The following SV2C variants were observed in gnomAD, a reference collection of about 807,000 sequenced individuals.
SV2C encodes synaptic vesicle glycoprotein 2C, also known as solute carrier family 22 member B3.
A neutral mutation model predicts 79.7 loss-of-function variants in SV2C; 49 were observed. That is an observed-to-expected ratio of 0.61 (90% CI 0.49 to 0.78). The LOEUF (loss-of-function observed/expected upper bound fraction) is 0.78. Ranked by LOEUF, SV2C falls within the 30% of genes least tolerant of loss-of-function variation. SV2C has a pLI of 0.00. For synonymous variants in SV2C, 334 were observed against 333.2 expected (o/e 1.00, Z -0.03); for missense variants, 833 against 912.9 (o/e 0.91, Z 1.13).
At chr5:76,245,081 T>A (rs1258354531) in intron 4 of SV2C, among the ~76,000 whole-genome samples, 1 of 152,210 alleles carries the variant, frequency 6.6e-6, no homozygotes, top group Non-Finnish European at 1.5e-5. Flanking sequence ...TCCCCTCAAG[T>A]GTAAGATCCC....
intron 4 of SV2C, among the ~76,000 whole-genome samples, chr5:76,214,919 T>C (rs1580359093): frequency 6.6e-6 from 1 of 152,240 alleles, no homozygotes; most frequent in Non-Finnish European, 1.5e-5. Flanking sequence ...TTTGGTGACA[T>C]CTTTAGAATT....
At chr5:76,193,155 A>T (rs145501914) in intron 2 of SV2C, among the ~76,000 whole-genome samples, 1,862 of 152,312 alleles carry the variant, frequency 0.012, 26 homozygotes, top group Non-Finnish European at 0.016. Context: ...AATTTGGATG[A>T]CTTGGAGCAC....
the SV2C span, among the ~76,000 whole-genome samples, chr5:76,015,848 T>G: frequency 6.6e-6 from 1 of 152,144 alleles, no homozygotes; most frequent in South Asian, 2.1e-4. Flanking sequence ...GAATATATCA[T>G]AAACAAACTA....
At chr5:76,349,466 C>T (rs375140281) in intron 12 of SV2C, among the ~76,000 whole-genome samples, 5 of 152,182 alleles carry the variant, frequency 3.3e-5, no homozygotes, top group African/African-American at 4.8e-5. Context: ...GAGGTGAGAT[C>T]GCGCCACTGC....
At chr5:75,897,249 G>T in the SV2C span, among the ~76,000 whole-genome samples, 4,405 of 151,594 alleles carry the variant, frequency 0.029, 264 homozygotes, top group African/African-American at 0.097. Flanking sequence ...TTTGTATAAG[G>T]TGTAAGGAAG....
intron 1 of SV2C, among the ~76,000 whole-genome samples, chr5:76,115,689 T>C (rs1169679661): frequency 6.6e-6 from 1 of 152,226 alleles, no homozygotes; most frequent in African/African-American, 2.4e-5. Flanking sequence ...GCATTGCCAA[T>C]ATCTAGGTAA....
At chr5:75,947,770 T>G in the SV2C span, among the ~76,000 whole-genome samples, 1 of 152,044 alleles carries the variant, frequency 6.6e-6, no homozygotes, top group Non-Finnish European at 1.5e-5. Flanking sequence ...CTTATTAACA[T>G]TTCTTTGAAC....
At chr5:75,968,154 C>A in the SV2C span, among the ~76,000 whole-genome samples, 3 of 152,128 alleles carry the variant, frequency 2.0e-5, no homozygotes, top group Non-Finnish European at 4.4e-5. Context: ...AGGACATCCA[C>A]ACCAAAAACC....
chr5:75,872,028 A>G, the SV2C span, among the ~76,000 whole-genome samples: 2 of 147,276 alleles, frequency 1.4e-5, no homozygotes, highest in African/African-American at 4.9e-5. Flanking sequence ...ATATATTAGC[A>G]ATATATAACA....
chr5:76,019,444 G>A, the SV2C span, among the ~76,000 whole-genome samples: 1 of 152,184 alleles, frequency 6.6e-6, no homozygotes, highest in Non-Finnish European at 1.5e-5. Context: ...AGCAGCTTGA[G>A]CGTTGTACTG....
At chr5:76,071,525 T>A in the SV2C span, among the ~76,000 whole-genome samples, 56 of 152,244 alleles carry the variant, frequency 3.7e-4, no homozygotes, top group African/African-American at 1.3e-3. Flanking sequence ...GTAGTCTAAG[T>A]GTAGAGAAAG....
intron 2 of SV2C, among the ~76,000 whole-genome samples, chr5:76,139,842 A>T (rs1749193974): frequency 1.4e-5 from 1 of 72,620 alleles, no homozygotes; most frequent in Non-Finnish European, 4.3e-5. Context: ...CCATTTTTAG[A>T]AGCTCTTGAA....
At chr5:76,291,132 G>GT (rs1274809916) in intron 6 of SV2C, 89 bp from the exon 7 acceptor site, 1 of 842,588 alleles carries the variant, frequency 1.2e-6, no homozygotes, top group Non-Finnish European at 1.8e-6. Flanking sequence ...GCCGGAGTCA[G>GT]TTTTTGCTCC....
chr5:76,102,575 C>T (rs1284156861), intron 1 of SV2C, among the ~76,000 whole-genome samples: 1 of 152,180 alleles, frequency 6.6e-6, no homozygotes, highest in Non-Finnish European at 1.5e-5. Context: ...GGGAATGAAT[C>T]AGCATTTTAG....
the SV2C span, among the ~76,000 whole-genome samples, chr5:75,856,481 C>A: frequency 6.6e-6 from 1 of 152,082 alleles, no homozygotes; most frequent in Non-Finnish European, 1.5e-5. Flanking sequence ...GGATATAAGC[C>A]ATTTTAACTG....
chr5:76,228,604 G>C (rs943461921), intron 4 of SV2C, among the ~76,000 whole-genome samples: 1 of 152,034 alleles, frequency 6.6e-6, no homozygotes, highest in Non-Finnish European at 1.5e-5. Flanking sequence ...ACTCCCCCAG[G>C]GAAAACAAGA....
upstream of SV2C, among the ~76,000 whole-genome samples, chr5:76,082,631 T>TCTCTC (rs1207530959): frequency 1.1e-5 from 1 of 87,670 alleles, no homozygotes; most frequent in African/African-American, 4.3e-5. Flanking sequence ...TATCTCTCTC[T>TCTCTC]CCACCCCCCC....
downstream of SV2C, among the ~76,000 whole-genome samples, chr5:76,337,478 A>G (rs1259594139): frequency 6.6e-6 from 1 of 152,204 alleles, no homozygotes; most frequent in East Asian, 1.9e-4. Flanking sequence ...GAAGAAGACA[A>G]TTCAGCCCAA....
intron 1 of SV2C, among the ~76,000 whole-genome samples, chr5:76,122,313 C>A (rs1748536141): frequency 6.6e-6 from 1 of 151,468 alleles, no homozygotes; most frequent in African/African-American, 2.4e-5. Context: ...ATGTCGTCTG[C>A]AAACAGGGAC....
Sources: gnomAD v4.1 joint callset for allele counts (sites outside exome capture counted in the v4.1 genomes callset) on GRCh38, gnomAD v4.1.1 for gene constraint, MANE v1.5 for transcripts, NCBI Gene and HGNC (gene_info 2026-07-23, HGNC 2026-07-21) for gene names.